NKAIN2: variants seen among roughly 807,000 people sequenced by gnomAD.
NKAIN2 encodes sodium/potassium-transporting ATPase subunit beta-1-interacting protein 2.
NKAIN2 carries 14 observed loss-of-function variants against 32.6 expected under a neutral mutation model. The observed-to-expected ratio is 0.43, with a 90% CI of 0.28 to 0.67. The LOEUF (loss-of-function observed/expected upper bound fraction) is 0.67. NKAIN2 is among the 30% of genes least tolerant of loss of function. The pLI, the probability that NKAIN2 is intolerant of heterozygous loss-of-function variation, is 0.17. For missense variants in NKAIN2, 198 were observed against 258.3 expected (o/e 0.77, Z 1.60); for synonymous variants, 80 against 87.2 (o/e 0.92, Z 0.46).
intron 1 of NKAIN2, among the ~76,000 whole-genome samples, chr6:124,273,818 G>T (rs77867169): frequency 6.6e-6 from 1 of 152,120 alleles, no homozygotes; most frequent in Admixed American, 6.5e-5. Flanking sequence ...AGACTCCTTT[G>T]TGAAGATATT....
At chr6:124,147,874 T>C (rs2114372528) in intron 1 of NKAIN2, among the ~76,000 whole-genome samples, 1 of 152,250 alleles carries the variant, frequency 6.6e-6, no homozygotes, top group African/African-American at 2.4e-5. Flanking sequence ...TGTTTCTTTT[T>C]TATATAAAGG....
intron 1 of NKAIN2, among the ~76,000 whole-genome samples, chr6:123,912,903 A>C (rs1260880969): frequency 2.3e-5 from 3 of 132,932 alleles, no homozygotes; most frequent in African/African-American, 7.5e-5. Context: ...GAATCCATTA[A>C]ATATTGTGAT....
At chr6:124,739,365 TAGG>T (rs1554259431) in intron 4 of NKAIN2, among the ~76,000 whole-genome samples, 7 of 151,926 alleles carry the variant, frequency 4.6e-5, no homozygotes, top group Non-Finnish European at 1.0e-4. Flanking sequence ...AAATTAATCA[TAGG>T]AGATTAGAGA....
At position 123,970,110 on chromosome 6, in the gene NKAIN2, G is replaced by GATATATAT. The variant is rs71541239; in HGVS notation, c.54+165865_54+165872dup. Among the ~76,000 whole-genome samples the GATATATAT allele has an allele frequency of 0.013, 1,950 of 149,244 alleles. 59 individuals carry two copies. The East Asian group carries it at 0.13, about 10-fold the overall frequency. On this transcript the variant is annotated intron_variant, in intron 1 of 6. Coordinates refer to ENST00000368417, the MANE Select transcript of NKAIN2 (RefSeq NM_001040214.3). ...CACACAAAATACTGATTATTAAATG[G>GATATATAT]ATATATATATATATATGTATAAATG...
At chr6:124,118,840 A>G (rs1785742968) in intron 1 of NKAIN2, among the ~76,000 whole-genome samples, 1 of 152,134 alleles carries the variant, frequency 6.6e-6, no homozygotes, top group South Asian at 2.1e-4. Context: ...TATGTTCTCC[A>G]TCTCTACCTC....
intron 2 of NKAIN2, among the ~76,000 whole-genome samples, chr6:124,285,876 G>T (rs550837979): frequency 2.4e-4 from 36 of 152,110 alleles, no homozygotes; most frequent in Non-Finnish European, 3.7e-4. Flanking sequence ...GCAAGCTAAA[G>T]AAAAGAAAAT....
At chr6:123,899,240 C>T (rs1000773830) in intron 1 of NKAIN2, among the ~76,000 whole-genome samples, 7 of 152,334 alleles carry the variant, frequency 4.6e-5, no homozygotes, top group African/African-American at 1.7e-4. Context: ...GTTTAAGGCT[C>T]AGAGGCTCAC....
chr6:124,237,223 G>A (rs1315019685), intron 1 of NKAIN2, among the ~76,000 whole-genome samples: 1 of 152,120 alleles, frequency 6.6e-6, no homozygotes, highest in African/African-American at 2.4e-5. Context: ...TGTGGAAATA[G>A]GTCATAGAAT....
At chr6:124,322,400 C>A (rs1274209553) in intron 2 of NKAIN2, among the ~76,000 whole-genome samples, 2 of 152,108 alleles carry the variant, frequency 1.3e-5, no homozygotes, top group Admixed American at 1.3e-4. Context: ...TTCTATTTAA[C>A]TATAGCGCAA....
intron 5 of NKAIN2, among the ~76,000 whole-genome samples, chr6:124,797,189 A>G (rs1227637307): frequency 6.6e-6 from 1 of 151,516 alleles, no homozygotes; most frequent in Non-Finnish European, 1.5e-5. Flanking sequence ...AAAAAAAAAA[A>G]AAATCATCAT....
chr6:124,383,028 A>G (rs573542174), intron 3 of NKAIN2, among the ~76,000 whole-genome samples: 4 of 152,152 alleles, frequency 2.6e-5, no homozygotes, highest in African/African-American at 4.8e-5. Flanking sequence ...CAGGAAAGCA[A>G]GCATAGCGGT....
intron 4 of NKAIN2, among the ~76,000 whole-genome samples, chr6:124,691,031 A>G (rs1003816500): frequency 6.6e-6 from 1 of 152,166 alleles, no homozygotes; most frequent in African/African-American, 2.4e-5. Flanking sequence ...AAGGAGGGGG[A>G]AAAACAGAAT....
At chr6:124,274,849 C>G (rs1320793822) in intron 1 of NKAIN2, among the ~76,000 whole-genome samples, 1 of 151,826 alleles carries the variant, frequency 6.6e-6, no homozygotes, top group Admixed American at 6.6e-5. Flanking sequence ...ACTAAAAAAA[C>G]CCTATTACTG....
chr6:124,524,674 T>C (rs1019537498), intron 3 of NKAIN2, among the ~76,000 whole-genome samples: 1 of 152,196 alleles, frequency 6.6e-6, no homozygotes, highest in Non-Finnish European at 1.5e-5. Flanking sequence ...TATCCCAAAC[T>C]GACAGAGCCA....
At chr6:123,953,757 C>T (rs1777434403) in intron 1 of NKAIN2, among the ~76,000 whole-genome samples, 1 of 152,142 alleles carries the variant, frequency 6.6e-6, no homozygotes, top group Non-Finnish European at 1.5e-5. Flanking sequence ...TGCTTGCAGG[C>T]ACTGGTTATG....
At chr6:124,688,795 A>G (rs1169219565) in intron 4 of NKAIN2, among the ~76,000 whole-genome samples, 1 of 152,010 alleles carries the variant, frequency 6.6e-6, no homozygotes, top group Admixed American at 6.6e-5. Context: ...ATATCTTTTC[A>G]TGGCTTGATA....
intron 4 of NKAIN2, among the ~76,000 whole-genome samples, chr6:124,726,727 G>C (rs1268338814): frequency 6.9e-5 from 10 of 145,340 alleles, no homozygotes; most frequent in African/African-American, 2.6e-4. Context: ...GATGAGCTGA[G>C]AGAAGAAGGC....
chr6:124,012,219 C>A (rs1780366598), intron 1 of NKAIN2, among the ~76,000 whole-genome samples: 1 of 152,096 alleles, frequency 6.6e-6, no homozygotes, highest in African/African-American at 2.4e-5. Flanking sequence ...TCTCTCCATC[C>A]CCACCCCCAG....
At chr6:124,616,897 T>TAAAG (rs1782926469) in intron 3 of NKAIN2, among the ~76,000 whole-genome samples, 1 of 152,030 alleles carries the variant, frequency 6.6e-6, no homozygotes, top group South Asian at 2.1e-4. Flanking sequence ...TCCTATTTCC[T>TAAAG]AAAGATTGTA....
Sources: gnomAD v4.1 joint callset for allele counts (sites outside exome capture counted in the v4.1 genomes callset) on GRCh38, gnomAD v4.1.1 for gene constraint, MANE v1.5 for transcripts, NCBI Gene and HGNC (gene_info 2026-07-23, HGNC 2026-07-21) for gene names.